PDE4D: variants seen among roughly 807,000 people sequenced by gnomAD.
The protein encoded by PDE4D is 3',5'-cyclic-AMP phosphodiesterase 4D.
Under a neutral mutation model 87.4 loss-of-function variants are expected in PDE4D, and 24 were observed. That is an observed-to-expected ratio of 0.27 (90% CI 0.20 to 0.39). PDE4D has a LOEUF of 0.39. Among genes scored for constraint, PDE4D ranks in the 10% least tolerant of loss-of-function variants. The pLI is 1.00. For synonymous variants in PDE4D, 384 were observed against 383.2 expected (o/e 1.00, Z -0.02); for missense variants, 714 against 1,041.0 (o/e 0.69, Z 4.32).
chr5:60,424,036 C>CA (rs1743401455), intron 1 of PDE4D, among the ~76,000 whole-genome samples: 1 of 152,080 alleles, frequency 6.6e-6, no homozygotes, highest in Non-Finnish European at 1.5e-5. Context: ...GAAATTAAGG[C>CA]AATAATTAAT....
intron 1 of PDE4D, among the ~76,000 whole-genome samples, chr5:59,708,870 T>C (rs968510701): frequency 6.6e-6 from 1 of 151,834 alleles, no homozygotes; most frequent in Non-Finnish European, 1.5e-5. Context: ...TTTATGTCAA[T>C]AGCATTGGCT....
chr5:59,236,643 G>A (rs1271129989), intron 1 of PDE4D, among the ~76,000 whole-genome samples: 1 of 152,110 alleles, frequency 6.6e-6, no homozygotes, highest in Non-Finnish European at 1.5e-5. Flanking sequence ...GGAGTGGTGA[G>A]AAGAGCCAAA....
Position 59,762,269 on chromosome 5 carries a change from T to TGTATATGGGTACACATATGC in PDE4D, c.455+130879_455+130898dup, listed in dbSNP as rs1318795516. Among the ~76,000 whole-genome samples the TGTATATGGGTACACATATGC allele has an allele frequency of 1.8e-3, 84 of 46,686 alleles. 12 individuals carry two copies. The highest frequency in any genetic ancestry group is 5.2e-3 in the African/African-American group (58 of 11,132). The allele number at this position is 46,686 out of a possible 152,430, so 30.6% of individuals were successfully genotyped here. A position where few individuals can be genotyped will look rare whatever the true frequency, so the allele number is the denominator to read the frequency against. ...ATATGGGTACACATATGCGTATATG[T>TGTATATGGGTACACATATGC]GTATATGGGTACACATATGCGTATA... On this transcript the variant is annotated intron_variant, in intron 1 of 14. Transcript: ENST00000340635.
At chr5:59,790,240 G>C (rs1408126819) in intron 1 of PDE4D, among the ~76,000 whole-genome samples, 1 of 152,124 alleles carries the variant, frequency 6.6e-6, no homozygotes, top group African/African-American at 2.4e-5. Flanking sequence ...ATAATTACAT[G>C]AGTGTTTTTA....
intron 1 of PDE4D, among the ~76,000 whole-genome samples, chr5:59,332,121 C>A (rs529029080): frequency 7.2e-5 from 11 of 152,292 alleles, no homozygotes; most frequent in African/African-American, 2.6e-4. Context: ...TGACATCAAT[C>A]ATTTCAGAGG....
chr5:59,212,584 T>A (rs894809953), intron 2 of PDE4D, among the ~76,000 whole-genome samples: 8 of 152,148 alleles, frequency 5.3e-5, no homozygotes, highest in African/African-American at 1.9e-4. Context: ...TATTTAAATA[T>A]GAAATGCTAT....
intron 6 of PDE4D, among the ~76,000 whole-genome samples, chr5:59,004,080 C>T (rs1751072346): frequency 6.6e-6 from 1 of 151,862 alleles, no homozygotes; most frequent in African/African-American, 2.4e-5. Context: ...CCTAAATACA[C>T]TTCCTTCATA....
intron 1 of PDE4D, among the ~76,000 whole-genome samples, chr5:59,527,253 G>A (rs184287940): frequency 1.5e-3 from 231 of 152,142 alleles, no homozygotes; most frequent in Admixed American, 2.8e-3. Flanking sequence ...ATATGAATAA[G>A]CAAATGCATA....
chr5:60,331,484 G>T (rs944249574), intron 1 of PDE4D, among the ~76,000 whole-genome samples: 1 of 152,206 alleles, frequency 6.6e-6, no homozygotes, highest in Admixed American at 6.5e-5. Flanking sequence ...GGACGCCATG[G>T]TTTCTCATTC....
At chr5:59,769,076 CTT>C (rs34305501) in intron 1 of PDE4D, among the ~76,000 whole-genome samples, 2 of 149,200 alleles carry the variant, frequency 1.3e-5, no homozygotes, top group African/African-American at 4.9e-5. Context: ...TTTTTTCTCT[CTT>C]TTTTTTTTAA....
chr5:59,726,772 A>G (rs1252300565), intron 1 of PDE4D, among the ~76,000 whole-genome samples: 1 of 152,182 alleles, frequency 6.6e-6, no homozygotes, highest in Non-Finnish European at 1.5e-5. Context: ...ACTTTTCAAC[A>G]GTATGAAGAT....
chr5:60,473,778 A>G (rs1351122096), intron 1 of PDE4D, among the ~76,000 whole-genome samples: 1 of 151,656 alleles, frequency 6.6e-6, no homozygotes, highest in Non-Finnish European at 1.5e-5. Flanking sequence ...CACCTCTGTC[A>G]TTCCAATTTC....
intron 1 of PDE4D, among the ~76,000 whole-genome samples, chr5:59,397,488 C>A (rs1350846112): frequency 1.7e-5 from 2 of 116,860 alleles, no homozygotes; most frequent in Admixed American, 8.4e-5. Flanking sequence ...CTACTGGGTA[C>A]ATAATGAAAT....
chr5:59,825,084 T>C (rs1273819493), intron 1 of PDE4D, among the ~76,000 whole-genome samples: 4 of 152,144 alleles, frequency 2.6e-5, no homozygotes, highest in Non-Finnish European at 5.9e-5. Context: ...TGTCTACTGG[T>C]CTCTGCGTGT....
chr5:59,836,782 C>T (rs957572548), intron 1 of PDE4D, among the ~76,000 whole-genome samples: 1 of 151,956 alleles, frequency 6.6e-6, no homozygotes, highest in East Asian at 1.9e-4. Context: ...AACAGGAGAG[C>T]ATGAGAGAGA....
At chr5:59,849,884 A>G (rs1194227864) in intron 1 of PDE4D, among the ~76,000 whole-genome samples, 1 of 152,036 alleles carries the variant, frequency 6.6e-6, no homozygotes, top group Non-Finnish European at 1.5e-5. Context: ...AGTATTGAAA[A>G]CACAATATTT....
intron 1 of PDE4D, among the ~76,000 whole-genome samples, chr5:59,816,269 T>C (rs2938785): frequency 0.68 from 103,007 of 152,156 alleles, 36,309 homozygotes; most frequent in African/African-American, 0.87. Context: ...TTATAGGAAT[T>C]ACTAGATTTT....
chr5:59,626,550 CA>C (rs1445901470), intron 1 of PDE4D, among the ~76,000 whole-genome samples: 1 of 152,036 alleles, frequency 6.6e-6, no homozygotes, highest in Non-Finnish European at 1.5e-5. Flanking sequence ...TTGCAGTTTA[CA>C]AAAATGGAAA....
At chr5:60,329,627 T>C (rs115620308) in intron 1 of PDE4D, among the ~76,000 whole-genome samples, 339 of 152,322 alleles carry the variant, frequency 2.2e-3, no homozygotes, top group African/African-American at 7.9e-3. Context: ...TAAATGGTTT[T>C]CTATGTGATG....
Sources: gnomAD v4.1 joint callset for allele counts (sites outside exome capture counted in the v4.1 genomes callset) on GRCh38, gnomAD v4.1.1 for gene constraint, MANE v1.5 for transcripts, NCBI Gene and HGNC (gene_info 2026-07-23, HGNC 2026-07-21) for gene names.